Variants in FAM120B observed in about 807,000 individuals in gnomAD.
FAM120B encodes the protein family with sequence similarity 120 member B.
Under a neutral mutation model 96.3 loss-of-function variants are expected in FAM120B, and 83 were observed. The ratio of observed to expected loss-of-function variants is 0.86; its 90% CI spans 0.72 to 1.03. The LOEUF is 1.03. Among genes scored for constraint, FAM120B ranks in the 50% least tolerant of loss-of-function variants. The pLI is 0.00. For synonymous variants in FAM120B, 407 were observed against 402.7 expected (o/e 1.01, Z -0.13); for missense variants, 1,027 against 1,121.2 (o/e 0.92, Z 1.20).
chr6:170,383,007 G>A (rs935925212), intron 6 of FAM120B, among the ~76,000 whole-genome samples: 2 of 151,812 alleles, frequency 1.3e-5, no homozygotes, highest in African/African-American at 4.8e-5. Context: ...AGTACCACCA[G>A]TGGATTTGGA....
chr6:170,335,214 A>T (rs1348698420), intron 4 of FAM120B, among the ~76,000 whole-genome samples: 1 of 128,870 alleles, frequency 7.8e-6, no homozygotes, highest in Non-Finnish European at 1.6e-5. Context: ...CCTTGCCCCC[A>T]ACCCCCCAAC....
rs1790317994 is a variant in FAM120B, at chr6:170,388,479, C to T, written c.2476C>T (p.Leu826Phe). 1 of 1,613,984 alleles carries T rather than the reference C, an allele frequency of 6.2e-7. No individual in the cohort carries two copies. The highest frequency in any genetic ancestry group is 1.3e-5 in the African/African-American group (1 of 74,928). ...QSEKGYAVEV[L>F]LEQNRSRLTK... ...TGAAAAGGGTTATGCTGTGGAGGTT[C>T]TTTTAGAACAAAATGTGAGTTCACA... Residue 826 changes from leucine to phenylalanine, a missense_variant, in exon 7 of 11, where the codon CTT (leucine) becomes TTT (phenylalanine). Leu to Phe is a conservative substitution (Grantham distance 22). Around this residue, in one of 3 missense-constraint regions of FAM120B, gnomAD observed 142 missense variants for 122.5 expected, o/e 1.16. Transcript: ENST00000476287.
chr6:170,355,736 A>G (rs1379724037), intron 5 of FAM120B, among the ~76,000 whole-genome samples: 1 of 152,218 alleles, frequency 6.6e-6, no homozygotes, highest in Non-Finnish European at 1.5e-5. Flanking sequence ...TTTGGAGGAA[A>G]AAAATGTAAA....
At chr6:170,400,531 G>C (rs879346279) in intron 9 of FAM120B, among the ~76,000 whole-genome samples, 1 of 152,132 alleles carries the variant, frequency 6.6e-6, no homozygotes, top group African/African-American at 2.4e-5. Flanking sequence ...CCAGTGGCCT[G>C]CCCTTAGGGG....
At chr6:170,381,625 G>C (rs557942500) in intron 6 of FAM120B, among the ~76,000 whole-genome samples, 15 of 152,054 alleles carry the variant, frequency 9.9e-5, no homozygotes, top group African/African-American at 3.6e-4. Context: ...CAAAAATCTT[G>C]AACAAAATAT....
Position 170,379,877 on chromosome 6 carries a change from C to G in FAM120B, c.2284-8410C>G, listed in dbSNP as rs559017446. 1.2e-4 allele frequency among the ~76,000 whole-genome samples: 19 copies of G among 152,266 alleles called. No individual in the cohort carries two copies. In the South Asian group the frequency reaches 3.9e-3, roughly 32 times the overall value. Reference sequence around the variant, plus strand: ...TGTGTGTGGTAAAAGCACCTAAAGTCTACCCTCTAGGCAGATTTTCGGTAT... The same window carrying G: ...TGTGTGTGGTAAAAGCACCTAAAGTGTACCCTCTAGGCAGATTTTCGGTAT... On this transcript the variant is annotated intron_variant, in intron 6 of 10. Transcript: ENST00000476287.
At chr6:170,356,346 G>A (rs902881452) in intron 5 of FAM120B, among the ~76,000 whole-genome samples, 2 of 152,116 alleles carry the variant, frequency 1.3e-5, no homozygotes, top group Admixed American at 6.5e-5. Flanking sequence ...TTTTGTATTC[G>A]CTAGATGAAG....
rs551707555 is a variant in FAM120B at position 170,308,742 on chromosome 6, G to A, written c.-22+1900G>A. 3.3e-5 allele frequency among the ~76,000 whole-genome samples: 5 copies of A among 152,256 alleles called. No homozygotes were observed. In the East Asian group the frequency reaches 7.7e-4, roughly 24 times the overall value. On this transcript the variant is annotated intron_variant, in intron 1 of 10. Coordinates refer to ENST00000476287, the MANE Select transcript of FAM120B (RefSeq NM_032448.3). ...CTGGCTATTTGTCATATCCAGCCTT[G>A]AGATTTGCATTTTTGTCCTTCAGAC...
intron 1 of FAM120B, among the ~76,000 whole-genome samples, chr6:170,300,073 G>A (rs981104415): frequency 2.0e-5 from 3 of 152,118 alleles, no homozygotes; most frequent in African/African-American, 7.2e-5. Flanking sequence ...CTAATTTTTG[G>A]ACGGTCAATT....
chr6:170,361,211 T>TAC lies in FAM120B; in HGVS notation c.2283+2894_2283+2895insCA, dbSNP rs1562566772. ...ATATATATACGTGTATATATATATA[T>TAC]ATATATATATATATATATATATATA... On this transcript the variant is annotated intron_variant, in intron 6 of 10. Transcript: ENST00000476287. Among the ~76,000 whole-genome samples the TAC allele has an allele frequency of 4.3e-5, 4 of 93,142 alleles. 1 individual carries two copies. The East Asian group carries it at 5.4e-3, about 127-fold the overall frequency. The allele number at this position is 93,142 out of a possible 152,430, so 61.1% of individuals were successfully genotyped here.
intron 5 of FAM120B, 117 bp downstream of exon 5, chr6:170,348,440 T>C: frequency 1.1e-6 from 1 of 889,376 alleles, no homozygotes; most frequent in Non-Finnish European, 1.7e-6. Context: ...GTCTGTTCCA[T>C]GGAACATTAT....
intron 6 of FAM120B, among the ~76,000 whole-genome samples, chr6:170,380,968 A>T (rs1789869569): frequency 1.3e-5 from 2 of 152,240 alleles, no homozygotes; most frequent in African/African-American, 4.8e-5. Flanking sequence ...TAGAAGACTG[A>T]GATAATTTGG....
At chr6:170,355,630 T>C (rs1787864673) in intron 5 of FAM120B, among the ~76,000 whole-genome samples, 2 of 152,122 alleles carry the variant, frequency 1.3e-5, no homozygotes, top group Non-Finnish European at 2.9e-5. Flanking sequence ...GCTTGATACC[T>C]AGGTGATGAG....
At chr6:170,340,493 C>T (rs1265938178) in intron 4 of FAM120B, among the ~76,000 whole-genome samples, 1 of 152,198 alleles carries the variant, frequency 6.6e-6, no homozygotes, top group African/African-American at 2.4e-5. Flanking sequence ...CTAGTTCTGT[C>T]AGTTCATGAA....
At chr6:170,321,094 C>T (rs1785257426) in intron 2 of FAM120B, among the ~76,000 whole-genome samples, 1 of 152,140 alleles carries the variant, frequency 6.6e-6, no homozygotes, top group South Asian at 2.1e-4. Context: ...GAAGGGAGTG[C>T]CTGGGCAAAG....
At chr6:170,362,783 G>A (rs564657251) in intron 6 of FAM120B, among the ~76,000 whole-genome samples, 3 of 151,174 alleles carry the variant, frequency 2.0e-5, no homozygotes, top group Non-Finnish European at 4.4e-5. Context: ...CCAGGCTCAA[G>A]CCATCCTCCC....
rs1325481086 is a variant in FAM120B, at chr6:170,405,516, G to A, written c.*765G>A. On this transcript the variant is annotated 3_prime_UTR_variant, in exon 11 of 11. Transcript: ENST00000476287. ...TTCACAATGGCGAGCAAGTTAAAAC[G>A]GATTTCCCATTTAATTTAATTTTCA... is the stretch of plus-strand genomic sequence containing the variant. The A allele has an allele frequency of 6.6e-6, 1 of 152,152 alleles. No homozygotes were observed. The highest frequency in any genetic ancestry group is 1.5e-5 in the Non-Finnish European group (1 of 68,030). 9.4% of individuals were successfully genotyped at this position (152,152 alleles called of 1,614,324 possible).
At chr6:170,396,693 C>A (rs1778182407) in intron 9 of FAM120B, among the ~76,000 whole-genome samples, 1 of 152,184 alleles carries the variant, frequency 6.6e-6, no homozygotes, top group Non-Finnish European at 1.5e-5. Flanking sequence ...AGGGTCACTT[C>A]CACTTCGTCA....
chr6:170,375,260 A>G (rs1789437391), intron 6 of FAM120B, among the ~76,000 whole-genome samples: 1 of 152,254 alleles, frequency 6.6e-6, no homozygotes, highest in Admixed American at 6.5e-5. Flanking sequence ...GTTTGTAATC[A>G]CACAGCACAT....
Sources: gnomAD v4.1 joint callset for allele counts (sites outside exome capture counted in the v4.1 genomes callset) on GRCh38, gnomAD v4.1.1 for gene constraint, gnomAD v4.1.1 regional missense constraint, MANE v1.5 for transcripts, NCBI Gene and HGNC (gene_info 2026-07-23, HGNC 2026-07-21) for gene names.